The following PGM2 variants were observed in gnomAD, a reference collection of about 807,000 sequenced individuals.
PGM2 encodes the protein phosphopentomutase.
Under a neutral mutation model 74.6 loss-of-function variants are expected in PGM2, and 57 were observed. The ratio of observed to expected loss-of-function variants is 0.76; its 90% confidence interval spans 0.62 to 0.95. PGM2 has a LOEUF of 0.95. Ranked by LOEUF, PGM2 falls within the 40% of genes least tolerant of loss-of-function variation. The pLI is 0.00. For synonymous variants in PGM2, 273 were observed against 260.7 expected (o/e 1.05, Z -0.46); for missense variants, 706 against 741.9 (o/e 0.95, Z 0.56).
At position 37,826,717 on chromosome 4, in the gene PGM2, T is replaced by A. The variant is rs1437714107; in HGVS notation, c.-16T>A. ...CACCGCCTGCTTCCCTCTGCAGCGG[T>A]AGCACAAGCTCAGCGATGGCGGCTC... On this transcript the variant is annotated 5_prime_UTR_variant, in exon 1 of 14. Transcript: ENST00000381967. 1.9e-6 allele frequency: 3 copies of A among 1,545,374 alleles called. No homozygotes were observed. Among genetic ancestry groups the A allele is most frequent in the South Asian group, 1.2e-5 (1 of 83,948 alleles).
At chr4:37,839,150 C>A (rs570556227) in intron 4 of PGM2, among the ~76,000 whole-genome samples, 9 of 131,516 alleles carry the variant, frequency 6.8e-5, no homozygotes, top group African/African-American at 2.3e-4. Flanking sequence ...CAGAGTTTCG[C>A]TCTTGTCTCC....
At chr4:37,840,003 A>G in intron 5 of PGM2, 63 bp from the exon 6 acceptor site, 1 of 1,515,150 alleles carries the variant, frequency 6.6e-7, no homozygotes, top group South Asian at 1.1e-5. Flanking sequence ...TTGGGACCAT[A>G]GGTAATAGGT....
At chr4:37,844,667 C>T (rs1357968719) in intron 7 of PGM2, 114 bp downstream of exon 7, 1 of 702,696 alleles carries the variant, frequency 1.4e-6, no homozygotes, top group Non-Finnish European at 2.4e-6. Flanking sequence ...CTAATTTCAG[C>T]ATGGAAATAT....
intron 12 of PGM2, 122 bp from the exon 13 acceptor site, chr4:37,855,486 A>G (rs1726169186): frequency 8.5e-6 from 7 of 819,222 alleles, no homozygotes; most frequent in Non-Finnish European, 1.3e-5. Flanking sequence ...TTTCCTCCAG[A>G]ATGTTTTTCT....
At chr4:37,840,025 A>G (rs1725664196) in intron 5 of PGM2, 41 bp from the exon 6 acceptor site, 4 of 1,570,080 alleles carry the variant, frequency 2.5e-6, no homozygotes, top group Non-Finnish European at 3.5e-6. Context: ...CCTTATTTCC[A>G]TTAACTGTAA....
At position 37,848,545 on chromosome 4, in the gene PGM2, C is replaced by A. The variant is rs370487208; in HGVS notation, c.1306C>A (p.Leu436Met). ...AIGYMCCPFV[L>M]DKDGVSAAVI... Reference sequence around the variant, plus strand: ...AGGATACATGTGCTGCCCTTTTGTTCTGGACAAAGATGGAGTCAGTGCCGC... The same window carrying A: ...AGGATACATGTGCTGCCCTTTTGTTATGGACAAAGATGGAGTCAGTGCCGC... Residue 436 changes from leucine to methionine, a missense_variant, in exon 11 of 14, where the codon CTG becomes ATG. Coordinates refer to ENST00000381967, the MANE Select transcript of PGM2 (RefSeq NM_018290.4). 5.0e-6 allele frequency: 8 copies of A among 1,613,480 alleles called. No individual in the cohort carries two copies. The Admixed American group carries it at 1.0e-4, about 20-fold the overall frequency.
rs1252941162 is a variant in PGM2 at position 37,847,270 on chromosome 4, T to G, written c.1257T>G (p.Val419=). The G allele has an allele frequency of 1.5e-5, 25 of 1,612,964 alleles. No individual in the cohort carries two copies. The highest frequency in any genetic ancestry group is 2.1e-5 in the Non-Finnish European group (25 of 1,179,092). ...AGCTAATAGACCAGGGGAAAACTGT[T>G]TTATTTGCATTTGAAGAAGCTATTG... ...AKQLIDQGKT[V]LFAFEEAIGY... Residue 419 remains valine (V), a synonymous_variant, in exon 10 of 14, where the codon GTT becomes GTG. Transcript: ENST00000381967.
chr4:37,857,042 TG>T (rs1711544689), intron 13 of PGM2, among the ~76,000 whole-genome samples: 1 of 152,194 alleles, frequency 6.6e-6, no homozygotes, highest in African/African-American at 2.4e-5. Flanking sequence ...CAGAAATACT[TG>T]ATCTGTAGAG....
At chr4:37,839,997 G>T (rs1725663544) in intron 5 of PGM2, 66 bp downstream of exon 5, 1 of 1,520,278 alleles carries the variant, frequency 6.6e-7, no homozygotes, top group African/African-American at 1.4e-5. Context: ...TAATTTTTGG[G>T]ACCATAGGTA....
At chr4:37,859,142 C>T in intron 13 of PGM2, among the ~76,000 whole-genome samples, 1 of 152,170 alleles carries the variant, frequency 6.6e-6, no homozygotes, top group Non-Finnish European at 1.5e-5. Context: ...TTTGCTCTCT[C>T]ACCATATATG....
intron 12 of PGM2, among the ~76,000 whole-genome samples, chr4:37,850,638 T>TA (rs1726015406): frequency 6.6e-6 from 1 of 151,558 alleles, no homozygotes; most frequent in Admixed American, 6.6e-5. Context: ...CGGTCTCTAT[T>TA]AAAAAATACA....
Position 37,844,368 on chromosome 4 carries a change from G to C in PGM2, c.724G>C (p.Val242Leu). The C allele has an allele frequency of 6.2e-7, 1 of 1,602,700 alleles. No homozygotes were observed. Among genetic ancestry groups the C allele is most frequent in the Non-Finnish European group, 8.5e-7 (1 of 1,173,464 alleles). Residue 242 changes from valine to leucine, a missense_variant, in exon 7 of 14, where the codon GTG becomes CTG. Coordinates refer to ENST00000381967, the MANE Select transcript of PGM2 (RefSeq NM_018290.4). The stretch of plus-strand genomic sequence containing the variant: ...CCACTGTGTATCTGATTCTAGGAGC[G>C]TGAACAGGGAGACAAAGGTGAAGTT... ...DLKKYCFHRS[V>L]NRETKVKFVH...
At chr4:37,850,854 G>A (rs1157343925) in intron 12 of PGM2, among the ~76,000 whole-genome samples, 1 of 152,056 alleles carries the variant, frequency 6.6e-6, no homozygotes, top group Non-Finnish European at 1.5e-5. Flanking sequence ...AGCCAGGTGT[G>A]GTGGCTCATA....
chr4:37,856,503 CAG>C (rs1296808209), intron 13 of PGM2, among the ~76,000 whole-genome samples: 1 of 152,114 alleles, frequency 6.6e-6, no homozygotes, highest in African/African-American at 2.4e-5. Context: ...AGAGCCTCAT[CAG>C]AGAGAGTCCT....
At chr4:37,838,421 AAAG>A (rs1485320110) in intron 4 of PGM2, among the ~76,000 whole-genome samples, 18 of 152,214 alleles carry the variant, frequency 1.2e-4, no homozygotes, top group Admixed American at 6.5e-4. Flanking sequence ...AGCACAATCT[AAAG>A]AAGAAGACAG....
chr4:37,842,236 TGTC>T (rs1193047029), intron 6 of PGM2, among the ~76,000 whole-genome samples: 1 of 149,832 alleles, frequency 6.7e-6, no homozygotes. Context: ...TGTTTTCTGT[TGTC>T]TTTGGAATTT....
intron 12 of PGM2, among the ~76,000 whole-genome samples, chr4:37,852,415 T>C (rs1287733502): frequency 6.6e-6 from 1 of 152,216 alleles, no homozygotes; most frequent in Admixed American, 6.5e-5. Flanking sequence ...TGCACAGCTG[T>C]CATCCTGGGA....
chr4:37,855,786 T>TC, intron 13 of PGM2, 45 bp downstream of exon 13: 12 of 1,514,500 alleles, frequency 7.9e-6, no homozygotes, highest in Non-Finnish European at 1.1e-5. Context: ...TCCCCAGACT[T>TC]CCTAACTGGT....
intron 4 of PGM2, among the ~76,000 whole-genome samples, chr4:37,838,273 C>A (rs1725622251): frequency 6.6e-6 from 1 of 152,142 alleles, no homozygotes; most frequent in Non-Finnish European, 1.5e-5. Context: ...CACCTCAAAC[C>A]CTGTCTTGTC....
Sources: gnomAD v4.1 joint callset for allele counts (sites outside exome capture counted in the v4.1 genomes callset) on GRCh38, gnomAD v4.1.1 for gene constraint, MANE v1.5 for transcripts, NCBI Gene and HGNC (gene_info 2026-07-23, HGNC 2026-07-21) for gene names.